Variants in KIF1C observed in about 807,000 individuals in gnomAD.
The protein encoded by KIF1C is kinesin family member 1C, also known as kinesin-like protein KIF1C.
In KIF1C, 61 loss-of-function variants were observed where a neutral mutation model predicts 126.5. The ratio of observed to expected loss-of-function variants is 0.48; its 90% CI spans 0.39 to 0.60. KIF1C has a LOEUF of 0.60. KIF1C is among the 20% of genes least tolerant of loss of function. KIF1C has a pLI of 0.00. For synonymous variants in KIF1C, 640 were observed against 580.6 expected (o/e 1.10, Z -1.47); for missense variants, 1,315 against 1,489.2 (o/e 0.88, Z 1.93).
chr17:5,010,842 G>C (rs1315430132), intron 16 of KIF1C, among the ~76,000 whole-genome samples: 1 of 150,436 alleles, frequency 6.6e-6, no homozygotes, highest in Non-Finnish European at 1.5e-5. Flanking sequence ...ATGGAGTCTT[G>C]CTGTGTTGCC....
intron 16 of KIF1C, among the ~76,000 whole-genome samples, chr17:5,010,860 G>C (rs1418021868): frequency 6.6e-6 from 1 of 151,038 alleles, no homozygotes; most frequent in East Asian, 2.0e-4. Context: ...GCCCAGGCTG[G>C]AGTGCAGTGG....
At chr17:5,019,897 A>C in intron 18 of KIF1C, 99 bp from the exon 19 acceptor site, 3 of 828,930 alleles carry the variant, frequency 3.6e-6, no homozygotes, top group Admixed American at 2.0e-5. Context: ...CTGGTGGTGC[A>C]TGTGTGGTTT....
Position 5,020,193 on chromosome 17 carries a change from G to T in KIF1C, c.1750+114G>T. The T allele has an allele frequency of 2.4e-6, 2 of 818,590 alleles. No homozygotes were observed. Among genetic ancestry groups the T allele is most frequent in the Non-Finnish European group, 4.1e-6 (2 of 482,528 alleles). The allele number at this position is 818,590 out of a possible 1,614,324, so 50.7% of individuals were successfully genotyped here. A position where few individuals can be genotyped will look rare whatever the true frequency, so the allele number is the denominator to read the frequency against. ...AGGACCCTGAAATACATCAGAAATA[G>T]CACGGGGATATAAAGAAGGAACTGG... On this transcript the variant is annotated intron_variant, in intron 19 of 22. Coordinates refer to ENST00000320785, the MANE Select transcript of KIF1C (RefSeq NM_006612.6). The surrounding 1 kb of genome is among the most constrained non-coding windows in gnomAD (Gnocchi z 5.8).
Position 5,001,207 on chromosome 17 carries a change from C to T in KIF1C, c.184-15C>T, listed in dbSNP as rs1974582519. ...CAGGGTTACTCTGTTTTTCTCTGCC[C>T]CCACTTTCTCCTAGACGGAGGACCC... On this transcript the variant is annotated splice_polypyrimidine_tract_variant and intron_variant, in intron 4 of 22. Transcript: ENST00000320785. 1 of 1,612,766 alleles carries T rather than the reference C, an allele frequency of 6.2e-7. No homozygotes were observed. The highest frequency in any genetic ancestry group is 8.5e-7 in the Non-Finnish European group (1 of 1,179,264).
chr17:5,024,403 G>C lies in KIF1C; in HGVS notation c.*252G>C, dbSNP rs542431557. ...TGCCTCGGGGCCACCCCTTGCAAAG[G>C]GGGTGTGTCCCACAAACGCTGCTAT... On this transcript the variant is annotated 3_prime_UTR_variant, in exon 23 of 23. Transcript: ENST00000320785. 2 of 422,264 alleles carry C rather than the reference G, an allele frequency of 4.7e-6. No homozygotes were observed. The highest frequency in any genetic ancestry group is 3.7e-5 in the East Asian group (1 of 26,892). 26.2% of individuals were successfully genotyped at this position (422,264 alleles called of 1,614,324 possible). A position where few individuals can be genotyped will look rare whatever the true frequency, so the allele number is the denominator to read the frequency against.
In KIF1C at chr17:5,002,562, G is replaced by A. The variant is rs775719793; in HGVS notation, c.528G>A (p.Pro176=). The change falls in exon 7 of 23, where the codon CCG becomes CCA. Residue 176 remains proline, a synonymous_variant. Transcript: ENST00000320785. The part of the protein sequence containing the change: ...LRVREHPILG[P]YVQDLSKLAV... ...TCCGGGAGCACCCCATCCTGGGCCC[G>A]TACGTGCAGGACCTGTCCAAATTGG... is the stretch of plus-strand genomic sequence containing the variant. The A allele has an allele frequency of 1.4e-5, 22 of 1,613,896 alleles. No individual in the cohort carries two copies. Among genetic ancestry groups the A allele is most frequent in the African/African-American group, 9.3e-5 (7 of 74,896 alleles).
In KIF1C at chr17:5,025,202, T is replaced by C. The variant is rs2143399063; in HGVS notation, c.*1051T>C. ...CCTGCTTTCATGTTTGCTTACCCAGTGTCTCAGTCTGTGCCAGCAGCACCA... is the reference window on the plus strand; with the variant it reads ...CCTGCTTTCATGTTTGCTTACCCAGCGTCTCAGTCTGTGCCAGCAGCACCA... On this transcript the variant is annotated 3_prime_UTR_variant, in exon 23 of 23. Transcript: ENST00000320785. 6.6e-6 allele frequency: 1 copy of C among 152,458 alleles called. No individual in the cohort carries two copies. The highest frequency in any genetic ancestry group is 2.1e-4 in the South Asian group (1 of 4,832). The allele number at this position is 152,458 out of a possible 1,614,324, so 9.4% of individuals were successfully genotyped here.
intron 14 of KIF1C, 84 bp downstream of exon 14, chr17:5,007,168 A>G (rs1974753801): frequency 1.3e-6 from 2 of 1,569,828 alleles, no homozygotes; most frequent in South Asian, 1.1e-5. Flanking sequence ...AGAAAGAAGG[A>G]ATTCTAGGAG....
chr17:5,003,481 C>G, intron 8 of KIF1C, 131 bp from the exon 9 acceptor site: 1 of 626,680 alleles, frequency 1.6e-6, no homozygotes, highest in Non-Finnish European at 2.8e-6. Flanking sequence ...TTCCCCCGGC[C>G]TCCTCCCTCG....
chr17:5,002,481 C>A lies in KIF1C; in HGVS notation c.447C>A (p.Ile149=), dbSNP rs767820925. Residue 149 remains isoleucine, a synonymous_variant, in exon 7 of 23, where the codon ATC becomes ATA. Transcript: ENST00000320785. ...CCACTCAGGTGAGCTATATGGAGAT[C>A]TACTGTGAGCGGGTACGAGACCTCT... ...SYSVEVSYME[I]YCERVRDLLN... The A allele has an allele frequency of 5.6e-6, 9 of 1,603,216 alleles. No individual in the cohort carries two copies. The highest frequency in any genetic ancestry group is 6.8e-6 in the Non-Finnish European group (8 of 1,172,916).
Position 5,004,021 on chromosome 17 carries a change from T to C in KIF1C, c.888T>C (p.Asp296=). 1.2e-6 allele frequency: 2 copies of C among 1,613,992 alleles called. No individual in the cohort carries two copies. The highest frequency in any genetic ancestry group is 1.7e-6 in the Non-Finnish European group (2 of 1,179,950). The change falls in exon 11 of 23, where the codon GAT becomes GAC. Residue 296 remains aspartate, a synonymous_variant. Coordinates refer to ENST00000320785, the MANE Select transcript of KIF1C (RefSeq NM_006612.6). The part of the protein sequence containing the change: ...ADMQSKKRKS[D]FIPYRDSVLT... The stretch of plus-strand genomic sequence containing the variant: ...AGCAATCAAAGAAGCGAAAGTCGGA[T>C]TTTATCCCCTACAGGGACTCTGTGC...
chr17:5,014,989 T>C, intron 18 of KIF1C, 152 bp downstream of exon 18: 1 of 642,374 alleles, frequency 1.6e-6, no homozygotes, highest in Non-Finnish European at 2.7e-6. Flanking sequence ...TTGGGGCTCA[T>C]GGGTATGAAT....
chr17:5,022,238 C>G lies in KIF1C; in HGVS notation c.2157C>G (p.Arg719=). 1 of 1,614,180 alleles carries G rather than the reference C, an allele frequency of 6.2e-7. No individual in the cohort carries two copies. Among genetic ancestry groups the G allele is most frequent in the Non-Finnish European group, 8.5e-7 (1 of 1,180,028 alleles). Residue 719 remains arginine, a synonymous_variant, in exon 22 of 23, where the codon CGC becomes CGG. Transcript: ENST00000320785. The surrounding 1 kb of genome is among the most constrained non-coding windows in gnomAD (Gnocchi z 4.9). ...GTGGTCTGCCCAGCAGTGGCAAGCG[C>G]AGGGCCCCTCGCAGGGTTTATCAGA... is the stretch of plus-strand genomic sequence containing the variant. The part of the protein sequence containing the change: ...KRCGLPSSGK[R]RAPRRVYQIP...
chr17:5,015,582 CTTTTTTT>C (rs58961639), intron 18 of KIF1C, among the ~76,000 whole-genome samples: 1 of 71,244 alleles, frequency 1.4e-5, no homozygotes, highest in Non-Finnish European at 2.6e-5. Context: ...CTGCCCCCAG[CTTTTTTT>C]TTTTTTTTTT....
intron 8 of KIF1C, 123 bp downstream of exon 8, chr17:5,002,965 C>A: frequency 1.4e-6 from 1 of 709,046 alleles, no homozygotes; most frequent in Non-Finnish European, 2.4e-6. Context: ...CTCCTCAGGA[C>A]TACCATGACC....
chr17:5,002,780 G>A lies in KIF1C; in HGVS notation c.658G>A (p.Val220Ile), dbSNP rs760757050. Residue 220 changes from valine (V) to isoleucine (I), a missense_variant, in exon 8 of 23, where the codon GTC (valine) becomes ATC (isoleucine). This residue lies in a region of KIF1C where 874 missense variants were observed against 1,053.2 expected (regional missense o/e 0.83). Transcript: ENST00000320785. ...MNETSSRSHA[V>I]FTIVFTQRCH... ...TGAGACCAGCAGCCGTTCCCATGCC[G>A]TCTTTACCATCGTCTTCACACAGCG... is the stretch of plus-strand genomic sequence containing the variant. The A allele has an allele frequency of 3.7e-6, 6 of 1,613,916 alleles. No homozygotes were observed. The highest frequency in any genetic ancestry group is 2.2e-5 in the South Asian group (2 of 91,072).
chr17:5,001,785 C>T (rs1410254456), intron 5 of KIF1C, among the ~76,000 whole-genome samples: 1 of 152,220 alleles, frequency 6.6e-6, no homozygotes, highest in Non-Finnish European at 1.5e-5. Context: ...CCATAATTGT[C>T]CCTGGCTGTC....
At chr17:5,021,298 C>A (rs188341248) in intron 21 of KIF1C, among the ~76,000 whole-genome samples, 2 of 151,220 alleles carry the variant, frequency 1.3e-5, no homozygotes, top group Non-Finnish European at 2.9e-5. Context: ...TCAGCCTCCC[C>A]AGTAGCTGGG....
Position 5,025,028 on chromosome 17 carries a change from G to C in KIF1C, c.*877G>C, listed in dbSNP as rs1242551521. 6.6e-6 allele frequency: 1 copy of C among 152,082 alleles called. No homozygotes were observed. The highest frequency in any genetic ancestry group is 1.5e-5 in the Non-Finnish European group (1 of 68,110). The allele number at this position is 152,082 out of a possible 1,614,324, so 9.4% of individuals were successfully genotyped here. A position where few individuals can be genotyped will look rare whatever the true frequency, so the allele number is the denominator to read the frequency against. On this transcript the variant is annotated 3_prime_UTR_variant, in exon 23 of 23. Transcript: ENST00000320785. The stretch of plus-strand genomic sequence containing the variant: ...TGGGATTACAGGCATGTGCCACCAC[G>C]CCCGGCTCATTACTGTTTTTTTTGT...
Sources: gnomAD v4.1 joint callset for allele counts (sites outside exome capture counted in the v4.1 genomes callset) on GRCh38, gnomAD v4.1.1 for gene constraint, gnomAD v4.1.1 regional missense constraint, Gnocchi (gnomAD v3.1) non-coding constraint, MANE v1.5 for transcripts, NCBI Gene and HGNC (gene_info 2026-07-23, HGNC 2026-07-21) for gene names.